The following PTPRD variants were observed in gnomAD, a reference collection of about 807,000 sequenced individuals.
PTPRD encodes the protein receptor-type tyrosine-protein phosphatase delta.
PTPRD carries 34 observed loss-of-function variants against 214.5 expected under a neutral mutation model. That is an observed-to-expected ratio of 0.16 (90% CI 0.12 to 0.21). The LOEUF (loss-of-function observed/expected upper bound fraction) is 0.21, where lower values mean the gene tolerates loss of function less well. PTPRD is among the 10% of genes least tolerant of loss of function. The pLI is 1.00. For missense variants in PTPRD, 2,545 were observed against 2,398.7 expected, an observed-to-expected ratio of 1.06 and a Z score of -1.27; for synonymous variants, 1,128 against 845.7, an observed-to-expected ratio of 1.33 and a Z score of -5.79.
intron 8 of PTPRD, among the ~76,000 whole-genome samples, chr9:9,506,944 A>G (rs1009218119): frequency 5.3e-5 from 8 of 151,452 alleles, no homozygotes; most frequent in Admixed American, 2.0e-4. Context: ...TAACCCAGTA[A>G]TTCTATTTCT....
intron 2 of PTPRD, among the ~76,000 whole-genome samples, chr9:10,355,994 A>C (rs929115289): frequency 6.6e-6 from 1 of 152,242 alleles, no homozygotes; most frequent in African/African-American, 2.4e-5. Context: ...TATGGACTTA[A>C]AATATTAATA....
intron 23 of PTPRD, among the ~76,000 whole-genome samples, chr9:8,503,760 T>C (rs938622154): frequency 7.2e-5 from 11 of 152,230 alleles, no homozygotes; most frequent in Non-Finnish European, 1.2e-4. Context: ...CACACAGAGT[T>C]AATAAGAAAC....
chr9:9,251,159 C>A (rs1276323561), intron 9 of PTPRD, among the ~76,000 whole-genome samples: 2 of 152,004 alleles, frequency 1.3e-5, no homozygotes, highest in Non-Finnish European at 2.9e-5. Context: ...ACATAAAAAT[C>A]TAGTGCGGGC....
chr9:8,326,692 T>C (rs1834150042), intron 44 of PTPRD, among the ~76,000 whole-genome samples: 1 of 140,076 alleles, frequency 7.1e-6, no homozygotes, highest in South Asian at 2.2e-4. Context: ...GGTCCTGGAC[T>C]TTTTTTGGTT....
chr9:8,724,624 G>T (rs1408060030), intron 12 of PTPRD, among the ~76,000 whole-genome samples: 1 of 152,092 alleles, frequency 6.6e-6, no homozygotes, highest in Non-Finnish European at 1.5e-5. Context: ...ATGGAGCCTT[G>T]TCTTACCCAG....
At chr9:9,069,486 C>T (rs974808862) in intron 10 of PTPRD, among the ~76,000 whole-genome samples, 2 of 152,174 alleles carry the variant, frequency 1.3e-5, no homozygotes, top group African/African-American at 4.8e-5. Flanking sequence ...TAAAGCATTA[C>T]TGACAGAATG....
intron 5 of PTPRD, among the ~76,000 whole-genome samples, chr9:9,899,668 C>A (rs889092865): frequency 6.6e-6 from 1 of 151,474 alleles, no homozygotes. Flanking sequence ...AAAATAGAAC[C>A]ACCATATAAG....
intron 2 of PTPRD, among the ~76,000 whole-genome samples, chr9:10,344,123 T>C (rs1597598470): frequency 6.6e-6 from 1 of 151,570 alleles, no homozygotes; most frequent in East Asian, 1.9e-4. Context: ...TCCTGAATGG[T>C]ATTGCCTAGG....
chr9:9,197,583 G>C (rs896786310), intron 9 of PTPRD, among the ~76,000 whole-genome samples: 2 of 152,066 alleles, frequency 1.3e-5, no homozygotes, highest in African/African-American at 4.8e-5. Flanking sequence ...GATGATTTCT[G>C]TATTTTTAGT....
chr9:10,162,658 T>C (rs933873973), intron 3 of PTPRD, among the ~76,000 whole-genome samples: 2 of 147,804 alleles, frequency 1.4e-5, no homozygotes, highest in African/African-American at 2.5e-5. Context: ...TACACATATA[T>C]ACATGTATAT....
chr9:10,093,667 C>T (rs2098454935), intron 3 of PTPRD, among the ~76,000 whole-genome samples: 1 of 151,460 alleles, frequency 6.6e-6, no homozygotes, highest in Non-Finnish European at 1.5e-5. Context: ...ACACCATTTA[C>T]AATAACAAAC....
rs114470229 is a variant in PTPRD, at chr9:8,646,948, C to T, written c.65-10104G>A. ...AATAATATCGTAAATGTGATCTTTGCACCTCTATTACACGTATATTTGTTT... is the reference window on the plus strand; with the variant it reads ...AATAATATCGTAAATGTGATCTTTGTACCTCTATTACACGTATATTTGTTT... On this transcript the variant is annotated intron_variant, in intron 12 of 45. Transcript: ENST00000381196. 5.1e-3 allele frequency among the ~76,000 whole-genome samples: 777 copies of T among 152,266 alleles called. 13 individuals are homozygous for T. The highest frequency in any genetic ancestry group is 0.018 in the African/African-American group (748 of 41,530).
At chr9:9,827,518 A>G (rs983636634) in intron 5 of PTPRD, among the ~76,000 whole-genome samples, 2 of 152,200 alleles carry the variant, frequency 1.3e-5, no homozygotes, top group African/African-American at 4.8e-5. Context: ...AAGATGGATT[A>G]AAGACTTAAA....
At chr9:9,999,339 G>A (rs1380864718) in intron 4 of PTPRD, among the ~76,000 whole-genome samples, 2 of 152,184 alleles carry the variant, frequency 1.3e-5, no homozygotes, top group Non-Finnish European at 2.9e-5. Context: ...ACCTTAGGCT[G>A]AAAATCATGA....
intron 11 of PTPRD, among the ~76,000 whole-genome samples, chr9:8,906,662 G>T (rs577369656): frequency 1.3e-5 from 2 of 152,176 alleles, no homozygotes; most frequent in African/African-American, 4.8e-5. Flanking sequence ...TAATGCCTGG[G>T]GTTCCTCCCA....
At position 9,811,009 on chromosome 9, in the gene PTPRD, G is replaced by A. The variant is rs746524639; in HGVS notation, c.-367-44158C>T. Among the ~76,000 whole-genome samples the A allele has an allele frequency of 7.9e-5, 12 of 152,006 alleles. No homozygotes were observed. In the South Asian group the frequency reaches 1.2e-3, roughly 16 times the overall value. On this transcript the variant is annotated intron_variant, in intron 5 of 45. Coordinates refer to ENST00000381196, the MANE Select transcript of PTPRD (RefSeq NM_002839.4). ...TCCCAACACTTTGGGAGGCCTAGACGGGAGAATCACTTGAGGTCAGGAGTT... is the reference window on the plus strand; with the variant it reads ...TCCCAACACTTTGGGAGGCCTAGACAGGAGAATCACTTGAGGTCAGGAGTT...
At chr9:9,060,811 CAT>C (rs751960495) in intron 10 of PTPRD, among the ~76,000 whole-genome samples, 9 of 152,162 alleles carry the variant, frequency 5.9e-5, no homozygotes, top group Non-Finnish European at 4.4e-5. Flanking sequence ...TCATGTGTCA[CAT>C]GTGTTAGTAT....
intron 3 of PTPRD, among the ~76,000 whole-genome samples, chr9:10,071,559 C>T (rs1288340108): frequency 2.0e-5 from 3 of 151,852 alleles, no homozygotes; most frequent in African/African-American, 7.3e-5. Flanking sequence ...ATGTGTATGT[C>T]TATATGCAAA....
At chr9:9,540,365 G>A (rs569650535) in intron 8 of PTPRD, among the ~76,000 whole-genome samples, 27 of 151,914 alleles carry the variant, frequency 1.8e-4, no homozygotes, top group African/African-American at 5.8e-4. Context: ...GGTGTAGTAT[G>A]TGTGTGTATG....
Sources: gnomAD v4.1 joint callset for allele counts (sites outside exome capture counted in the v4.1 genomes callset) on GRCh38, gnomAD v4.1.1 for gene constraint, MANE v1.5 for transcripts, NCBI Gene and HGNC (gene_info 2026-07-23, HGNC 2026-07-21) for gene names.